Variants in NIPA1 observed in about 807,000 individuals in gnomAD.
NIPA1 encodes magnesium transporter NIPA1.
In NIPA1, 13 loss-of-function variants were observed where a neutral mutation model predicts 23.9. That is an observed-to-expected ratio of 0.54 (90% CI 0.35 to 0.87). The LOEUF is 0.87. Ranked by LOEUF, NIPA1 falls within the 40% of genes least tolerant of loss-of-function variation. The probability of loss-of-function intolerance (pLI) is 0.01; values close to 1 mark genes in which losing one functional copy is unlikely to be tolerated. For synonymous variants in NIPA1, 234 were observed against 202.9 expected (o/e 1.15, Z -1.30); for missense variants, 362 against 429.7 (o/e 0.84, Z 1.39).
At chr15:22,813,641 C>T (rs1239218803) in intron 3 of NIPA1, 1 of 455,816 alleles carries the variant, frequency 2.2e-6, no homozygotes, top group Non-Finnish European at 4.4e-6. Flanking sequence ...AGACAGATGC[C>T]CAAATCCTTG....
At chr15:22,823,393 G>A (rs1470103448) in intron 4 of NIPA1, among the ~76,000 whole-genome samples, 5 of 152,016 alleles carry the variant, frequency 3.3e-5, no homozygotes, top group Admixed American at 2.0e-4. Context: ...GTAGAGACGG[G>A]GTTTCACCAT....
At chr15:22,801,724 C>T (rs1323076390) in intron 1 of NIPA1, among the ~76,000 whole-genome samples, 3 of 151,880 alleles carry the variant, frequency 2.0e-5, no homozygotes, top group Non-Finnish European at 4.4e-5. Flanking sequence ...ACCATATTGG[C>T]CAGGCTGGTC....
chr15:22,786,769 C>G lies in NIPA1; in HGVS notation c.113C>G (p.Ser38Trp). ...VSLGLGVAVV[S>W]SLVNGSTFVL... ...CTCGGCCTGGGCGTGGCCGTCGTGT[C>G]GAGCCTGGTGAACGGGTCCACGTTC... Residue 38 changes from serine to tryptophan, a missense_variant, in exon 1 of 5, where the codon TCG (serine) becomes TGG (tryptophan). By Grantham distance (177) the Ser-to-Trp change is radical (BLOSUM62 -3). Around this residue, in one of 2 missense-constraint regions of NIPA1, gnomAD observed 85 missense variants for 57.7 expected, o/e 1.47. Coordinates refer to ENST00000337435, the MANE Select transcript of NIPA1 (RefSeq NM_144599.5). 7 of 1,318,094 alleles carry G rather than the reference C, an allele frequency of 5.3e-6. No homozygotes were observed. The highest frequency in any genetic ancestry group is 6.9e-6 in the Non-Finnish European group (7 of 1,013,010). 81.6% of individuals were successfully genotyped at this position (1,318,094 alleles called of 1,614,324 possible).
chr15:22,808,163 T>A (rs1455607236), intron 1 of NIPA1, among the ~76,000 whole-genome samples: 1 of 152,144 alleles, frequency 6.6e-6, no homozygotes, highest in African/African-American at 2.4e-5. Flanking sequence ...TTCACACTAG[T>A]ATTCTGGACC....
intron 4 of NIPA1, among the ~76,000 whole-genome samples, chr15:22,823,319 A>AGCCGAGATCAAACCAC (rs1895581035): frequency 6.6e-6 from 1 of 150,844 alleles, no homozygotes; most frequent in South Asian, 2.1e-4. Flanking sequence ...GGTTCAAGTG[A>AGCCGAGATCAAACCAC]TTCTCCTGCC....
intron 1 of NIPA1, among the ~76,000 whole-genome samples, chr15:22,808,676 A>ATTTTTTTTTTTT (rs1566783277): frequency 9.5e-5 from 5 of 52,604 alleles, no homozygotes; most frequent in African/African-American, 3.4e-4. Flanking sequence ...AAATAGCAAT[A>ATTTTTTTTTTTT]TTCTTTTTTT....
chr15:22,820,614 C>G, intron 4 of NIPA1, 141 bp downstream of exon 4: 1 of 776,706 alleles, frequency 1.3e-6, no homozygotes, highest in Non-Finnish European at 2.3e-6. Context: ...GATCTGTGTT[C>G]TCTGGGAACG....
chr15:22,798,401 A>G lies in NIPA1; in HGVS notation c.178+11567A>G, dbSNP rs1275557212. Among the ~76,000 whole-genome samples, 9 of 146,046 alleles carry G rather than the reference A, an allele frequency of 6.2e-5. No individual in the cohort carries two copies. The South Asian group carries it at 1.8e-3, about 29-fold the overall frequency. On this transcript the variant is annotated intron_variant, in intron 1 of 4. Transcript: ENST00000337435. ...ACTACAGGCGCCCGCCACCATGCCC[A>G]GCTAATTTTTTGTATTTTAAGTAGA...
At chr15:22,820,951 A>G (rs1242494326) in intron 4 of NIPA1, among the ~76,000 whole-genome samples, 2 of 151,236 alleles carry the variant, frequency 1.3e-5, no homozygotes, top group South Asian at 4.2e-4. Context: ...CCCTGTTTAT[A>G]TATCTTTTGA....
intron 1 of NIPA1, among the ~76,000 whole-genome samples, chr15:22,799,612 C>T (rs1251055116): frequency 2.0e-5 from 3 of 152,000 alleles, no homozygotes; most frequent in African/African-American, 7.2e-5. Context: ...GAAACCCCAT[C>T]TCTACTAAAA....
At chr15:22,814,176 G>A in intron 3 of NIPA1, 6 of 1,044,764 alleles carry the variant, frequency 5.7e-6, no homozygotes, top group African/African-American at 1.6e-5. Flanking sequence ...CTTTTAAACA[G>A]AATAAAACTA....
chr15:22,795,725 G>A (rs1299790496), intron 1 of NIPA1, among the ~76,000 whole-genome samples: 1 of 152,152 alleles, frequency 6.6e-6, no homozygotes, highest in Non-Finnish European at 1.5e-5. Flanking sequence ...CTGCTCAAGT[G>A]CAGTGTGGGA....
intron 1 of NIPA1, among the ~76,000 whole-genome samples, chr15:22,788,515 A>AAAAAAAAAAAAAAAAG: frequency 6.6e-6 from 1 of 151,098 alleles, no homozygotes; most frequent in Non-Finnish European, 1.5e-5. Context: ...AAAAAAAAAA[A>AAAAAAAAAAAAAAAAG]TCTTGCAGTA....
chr15:22,814,684 T>C (rs977564838), intron 3 of NIPA1, among the ~76,000 whole-genome samples: 9 of 152,218 alleles, frequency 5.9e-5, no homozygotes, highest in African/African-American at 9.7e-5. Context: ...GTGTAATGTA[T>C]GATAAAGTAA....
chr15:22,816,509 T>TTC (rs1895423056), intron 3 of NIPA1, among the ~76,000 whole-genome samples: 1 of 132,948 alleles, frequency 7.5e-6, no homozygotes, highest in Non-Finnish European at 1.6e-5. Context: ...TTTTTTTTTT[T>TTC]CAGATGGAGT....
Position 22,828,646 on chromosome 15 carries a change from A to C in NIPA1, c.*4407A>C, listed in dbSNP as rs1895697117. On this transcript the variant is annotated 3_prime_UTR_variant, in exon 5 of 5. Transcript: ENST00000337435. ...GTTGTCTAGTAAAAAGTTGATATTC[A>C]GTAGAACAAGGATCATGTAAATAAA... 1 of 152,652 alleles carries C rather than the reference A, an allele frequency of 6.6e-6. No homozygotes were observed. The allele number at this position is 152,652 out of a possible 1,614,324, so 9.5% of individuals were successfully genotyped here.
At chr15:22,789,910 T>A (rs1374480713) in intron 1 of NIPA1, among the ~76,000 whole-genome samples, 1 of 152,096 alleles carries the variant, frequency 6.6e-6, no homozygotes, top group Non-Finnish European at 1.5e-5. Flanking sequence ...TTCTCCTGTC[T>A]TAGGCTCCTG....
intron 4 of NIPA1, among the ~76,000 whole-genome samples, chr15:22,821,688 C>T (rs1161179864): frequency 1.3e-5 from 2 of 150,268 alleles, no homozygotes; most frequent in Non-Finnish European, 3.0e-5. Flanking sequence ...TGCATGTTAA[C>T]ACCTAGTTTG....
At chr15:22,787,441 A>C (rs1894732653) in intron 1 of NIPA1, among the ~76,000 whole-genome samples, 1 of 152,178 alleles carries the variant, frequency 6.6e-6, no homozygotes. Flanking sequence ...TGCGCCTTAG[A>C]CCTGCACCAA....
Sources: allele counts gnomAD v4.1 joint callset (sites outside exome capture counted in the v4.1 genomes callset), GRCh38; gene constraint gnomAD v4.1.1; regional missense constraint gnomAD v4.1.1; transcripts MANE v1.5; gene names NCBI Gene and HGNC (gene_info 2026-07-23, HGNC 2026-07-21).